The following FOXA3 variants were observed in gnomAD, a reference collection of about 807,000 sequenced individuals.
FOXA3 encodes the protein forkhead box A3.
In FOXA3, 11 loss-of-function variants were observed where a neutral mutation model predicts 16.9. The ratio of observed to expected loss-of-function variants is 0.65; its 90% CI spans 0.41 to 1.08. FOXA3 has a LOEUF of 1.08. FOXA3 is among the 50% of genes least tolerant of loss of function. The pLI is 0.00. For synonymous variants in FOXA3, 217 were observed against 203.3 expected (o/e 1.07, Z -0.57); for missense variants, 423 against 470.1 (o/e 0.90, Z 0.93).
chr19:45,870,604 G>A lies in FOXA3; in HGVS notation c.70-1471G>A, dbSNP rs1164575491. ...TTTTTTTGAGATGGAGTCTTGCTCT[G>A]TTGTCCTGGCTGGAGTGTGCAGTGG... On this transcript the variant is annotated intron_variant, in intron 1 of 1. Coordinates refer to ENST00000302177, the MANE Select transcript of FOXA3 (RefSeq NM_004497.3). Among the ~76,000 whole-genome samples, 13 of 124,742 alleles carry A rather than the reference G, an allele frequency of 1.0e-4. No individual in the cohort carries two copies. The East Asian group carries it at 3.1e-3, about 30-fold the overall frequency. The allele number at this position is 124,742 out of a possible 152,430, so 81.8% of individuals were successfully genotyped here. A position where few individuals can be genotyped will look rare whatever the true frequency, so the allele number is the denominator to read the frequency against.
Position 45,872,786 on chromosome 19 carries a change from G to C in FOXA3, c.781G>C (p.Glu261Gln). Reference protein sequence around the residue: ...PQPPPPAPEPEAQGGEDVGAL... With the variant: ...PQPPPPAPEPQAQGGEDVGAL... Reference sequence around the variant, plus strand: ...GCCCCCGCCTCCAGCCCCTGAGCCTGAGGCCCAGGGCGGGGAAGATGTGGG... The same window carrying C: ...GCCCCCGCCTCCAGCCCCTGAGCCTCAGGCCCAGGGCGGGGAAGATGTGGG... Residue 261 changes from glutamate (E) to glutamine (Q), a missense_variant, in exon 2 of 2, where the codon GAG becomes CAG. By Grantham distance (29) the Glu-to-Gln change is conservative. Transcript: ENST00000302177. The surrounding 1 kb of genome is among the most constrained non-coding windows in gnomAD (Gnocchi z 4.5). 2 of 1,611,636 alleles carry C rather than the reference G, an allele frequency of 1.2e-6. No homozygotes were observed. Among genetic ancestry groups the C allele is most frequent in the Non-Finnish European group, 1.7e-6 (2 of 1,179,736 alleles).
chr19:45,872,975 T>C lies in FOXA3; in HGVS notation c.970T>C (p.Phe324Leu). 6.2e-7 allele frequency: 1 copy of C among 1,613,568 alleles called. No homozygotes were observed. The highest frequency in any genetic ancestry group is 2.2e-5 in the East Asian group (1 of 44,848). Residue 324 changes from phenylalanine (F) to leucine (L), a missense_variant, in exon 2 of 2, where the codon TTT (phenylalanine) becomes CTT (leucine). This residue lies in a region of FOXA3 where 168 missense variants were observed against 179.3 expected (regional missense o/e 0.94). Transcript: ENST00000302177. This position sits in a 1 kb window ranked among gnomAD's most constrained non-coding sequence, Gnocchi z 4.5. ...AGCACCTCCCAAACTGGACGTGGGG[T>C]TTGGGGGCTACGGGGCTGAAGGTGG... ...TPAPPKLDVG[F>L]GGYGAEGGEP... is the part of the protein sequence containing the mutation.
Position 45,868,773 on chromosome 19 carries a change from G to A in FOXA3, c.70-3302G>A, listed in dbSNP as rs117113736. 2.0e-5 allele frequency among the ~76,000 whole-genome samples: 3 copies of A among 152,164 alleles called. No homozygotes were observed. The East Asian group carries it at 5.8e-4, about 29-fold the overall frequency. ...TGGGGCAGAGAGGATGGGAGACAGT[G>A]GTTGAGAAGGGATAAGTAGATACAA... On this transcript the variant is annotated intron_variant, in intron 1 of 1. Transcript: ENST00000302177.
chr19:45,869,559 C>A (rs943882604), intron 1 of FOXA3, among the ~76,000 whole-genome samples: 1 of 152,108 alleles, frequency 6.6e-6, no homozygotes, highest in Admixed American at 6.5e-5. Context: ...GCACCTTTTC[C>A]CCCCATTTGA....
In FOXA3 at chr19:45,873,137, C is replaced by CT. The variant is rs374555969; in HGVS notation, c.*81dup. The CT allele has an allele frequency of 3.4e-3, 5,231 of 1,546,128 alleles. 12 individuals are homozygous for CT. Among genetic ancestry groups the CT allele is most frequent in the Non-Finnish European group, 4.2e-3 (4,780 of 1,144,378 alleles). ...TTGGGGCCTGATCCTTCTGGTGACA[C>CT]TTCACTTGTCCCATTGGTTAACATC... On this transcript the variant is annotated 3_prime_UTR_variant, in exon 2 of 2. Transcript: ENST00000302177.
Position 45,872,468 on chromosome 19 carries a change from C to T in FOXA3, c.463C>T (p.Arg155Trp), listed in dbSNP as rs771457315. Reference sequence around the variant, plus strand: ...GATCATGGACCTCTTCCCTTACTACCGGGAGAATCAGCAGCGCTGGCAGAA... The same window carrying T: ...GATCATGGACCTCTTCCCTTACTACTGGGAGAATCAGCAGCGCTGGCAGAA... ...QWIMDLFPYY[R>W]ENQQRWQNSI... The change falls in exon 2 of 2, where the codon CGG becomes TGG. Residue 155 changes from arginine to tryptophan, a missense_variant. Arg to Trp is a moderately radical substitution (Grantham distance 101). Coordinates refer to ENST00000302177, the MANE Select transcript of FOXA3 (RefSeq NM_004497.3). This position sits in a 1 kb window ranked among gnomAD's most constrained non-coding sequence, Gnocchi z 4.5. The T allele has an allele frequency of 2.7e-5, 43 of 1,614,064 alleles. No homozygotes were observed. Among genetic ancestry groups the T allele is most frequent in the Non-Finnish European group, 3.3e-5 (39 of 1,180,038 alleles).
chr19:45,865,364 G>A (rs1972074796), intron 1 of FOXA3, among the ~76,000 whole-genome samples: 1 of 152,110 alleles, frequency 6.6e-6, no homozygotes, highest in African/African-American at 2.4e-5. Flanking sequence ...CCCTGGAGTG[G>A]GGGGTGGCGG....
In FOXA3 at chr19:45,864,416, C is replaced by T; in HGVS notation, c.-41C>T. The T allele has an allele frequency of 1.5e-6, 2 of 1,362,762 alleles. No individual in the cohort carries two copies. The highest frequency in any genetic ancestry group is 9.6e-7 in the Non-Finnish European group (1 of 1,040,832). The allele number at this position is 1,362,762 out of a possible 1,614,324, so 84.4% of individuals were successfully genotyped here. Reference sequence around the variant, plus strand: ...AGAGATCCAGAGCGCTCCGTTCCCCCGGGGCCGGAGCGGGGGCGGGTGGGG... The same window carrying T: ...AGAGATCCAGAGCGCTCCGTTCCCCTGGGGCCGGAGCGGGGGCGGGTGGGG... On this transcript the variant is annotated 5_prime_UTR_variant, in exon 1 of 2. Coordinates refer to ENST00000302177, the MANE Select transcript of FOXA3 (RefSeq NM_004497.3).
In FOXA3 at chr19:45,873,533, A is replaced by G. The variant is rs1255835870; in HGVS notation, c.*475A>G. 5.6e-6 allele frequency: 1 copy of G among 180,000 alleles called. No homozygotes were observed. The highest frequency in any genetic ancestry group is 1.2e-5 in the Non-Finnish European group (1 of 84,164). 11.2% of individuals were successfully genotyped at this position (180,000 alleles called of 1,614,324 possible). A position where few individuals can be genotyped will look rare whatever the true frequency, so the allele number is the denominator to read the frequency against. ...ATCATACTGGGTAGGTGACAACGTC[A>G]GTGGGCCACCATGTGCCATGATGGC... On this transcript the variant is annotated 3_prime_UTR_variant, in exon 2 of 2. Transcript: ENST00000302177.
In FOXA3 at chr19:45,872,902, C is replaced by T; in HGVS notation, c.897C>T (p.Asn299=). 2 of 1,614,194 alleles carry T rather than the reference C, an allele frequency of 1.2e-6. No homozygotes were observed. The highest frequency in any genetic ancestry group is 1.3e-5 in the African/African-American group (1 of 75,042). Residue 299 remains asparagine (N), a synonymous_variant, in exon 2 of 2, where the codon AAC becomes AAT. Transcript: ENST00000302177. The surrounding 1 kb of genome is among the most constrained non-coding windows in gnomAD (Gnocchi z 4.5). ...PGELKLDAPY[N]FNHPFSINNL... Reference sequence around the variant, plus strand: ...AGCTGAAGCTGGACGCGCCCTACAACTTCAACCACCCTTTCTCCATCAACA... The same window carrying T: ...AGCTGAAGCTGGACGCGCCCTACAATTTCAACCACCCTTTCTCCATCAACA...
At chr19:45,864,875 G>A (rs1972066594) in intron 1 of FOXA3, among the ~76,000 whole-genome samples, 1 of 152,106 alleles carries the variant, frequency 6.6e-6, no homozygotes, top group South Asian at 2.1e-4. Context: ...CCAGGGTAGG[G>A]GACAGACTAG....
chr19:45,868,453 G>A (rs771282370), intron 1 of FOXA3, among the ~76,000 whole-genome samples: 2 of 152,034 alleles, frequency 1.3e-5, no homozygotes, highest in African/African-American at 2.4e-5. Context: ...TGTGGTGCGT[G>A]CCCGTAATCC....
chr19:45,867,049 C>T (rs748147681), intron 1 of FOXA3, among the ~76,000 whole-genome samples: 4 of 152,134 alleles, frequency 2.6e-5, no homozygotes, highest in Non-Finnish European at 5.9e-5. Flanking sequence ...TCATCCCAGC[C>T]CCGGGGCGTG....
chr19:45,867,776 T>A (rs1972097252), intron 1 of FOXA3, among the ~76,000 whole-genome samples: 2 of 40,460 alleles, frequency 4.9e-5, no homozygotes, highest in African/African-American at 1.9e-4. Flanking sequence ...TGAGACTCTA[T>A]CTCAAAAAAA....
Position 45,873,239 on chromosome 19 carries a change from C to T in FOXA3, c.*181C>T. 2 of 958,664 alleles carry T rather than the reference C, an allele frequency of 2.1e-6. No homozygotes were observed. Among genetic ancestry groups the T allele is most frequent in the Non-Finnish European group, 3.0e-6 (2 of 655,866 alleles). The allele number at this position is 958,664 out of a possible 1,614,324, so 59.4% of individuals were successfully genotyped here. Reference sequence around the variant, plus strand: ...TTGATCCACGGGGTACTGTGATAACCACCATGGATACATTTTGGTGGCCCA... The same window carrying T: ...TTGATCCACGGGGTACTGTGATAACTACCATGGATACATTTTGGTGGCCCA... On this transcript the variant is annotated 3_prime_UTR_variant, in exon 2 of 2. Transcript: ENST00000302177.
chr19:45,864,381 G>C lies in FOXA3; in HGVS notation c.-76G>C. 3.3e-6 allele frequency: 4 copies of C among 1,230,088 alleles called. No individual in the cohort carries two copies. The highest frequency in any genetic ancestry group is 4.2e-6 in the Non-Finnish European group (4 of 957,594). The allele number at this position is 1,230,088 out of a possible 1,614,324, so 76.2% of individuals were successfully genotyped here. On this transcript the variant is annotated 5_prime_UTR_variant, in exon 1 of 2. Transcript: ENST00000302177. ...GCGGGCGCCGGTGGGAGCTCGGGCC[G>C]TGCCCGCTGAGAGATCCAGAGCGCT...
At position 45,873,016 on chromosome 19, in the gene FOXA3, C is replaced by A; in HGVS notation, c.1011C>A (p.Tyr337Ter). ...CTGAAGGTGGGGAGCCTGGAGTCTA[C>A]TACCAGGGCCTCTATTCCCGCTCTT... ...YGAEGGEPGV[Y>*]YQGLYSRSLL... Residue 337 changes from tyrosine to a stop codon, truncating the protein, a stop_gained, in exon 2 of 2, where the codon TAC (tyrosine) becomes TAA (stop). Transcript: ENST00000302177. LOFTEE classifies it high-confidence loss of function. 2 of 1,610,168 alleles carry A rather than the reference C, an allele frequency of 1.2e-6. No individual in the cohort carries two copies. The highest frequency in any genetic ancestry group is 2.7e-5 in the African/African-American group (2 of 75,020).
chr19:45,870,093 A>G lies in FOXA3; in HGVS notation c.70-1982A>G, dbSNP rs529445337. Among the ~76,000 whole-genome samples the G allele has an allele frequency of 1.8e-3, 267 of 151,572 alleles. 6 individuals carry two copies. The highest frequency in any genetic ancestry group is 6.3e-4 in the Non-Finnish European group (43 of 67,836). ...GAGCCACTGTGCCCAGCCTAAATGC[A>G]GTAATTTTATAAGCTAAAAGATTGA... On this transcript the variant is annotated intron_variant, in intron 1 of 1. Transcript: ENST00000302177.
chr19:45,864,726 C>T (rs10417903), intron 1 of FOXA3, among the ~76,000 whole-genome samples: 3 of 152,226 alleles, frequency 2.0e-5, no homozygotes, highest in Non-Finnish European at 4.4e-5. Context: ...TGGGCAGCCT[C>T]GCCGCGGCCA....
Sources: gnomAD v4.1 joint callset for allele counts (sites outside exome capture counted in the v4.1 genomes callset) on GRCh38, gnomAD v4.1.1 for gene constraint, gnomAD v4.1.1 regional missense constraint, Gnocchi (gnomAD v3.1) non-coding constraint, MANE v1.5 for transcripts, NCBI Gene and HGNC (gene_info 2026-07-23, HGNC 2026-07-21) for gene names.